Variants in FGF12 observed in about 807,000 individuals in gnomAD.
FGF12 encodes fibroblast growth factor 12, also known as fibroblast growth factor 12B.
A neutral mutation model predicts 23.6 loss-of-function variants in FGF12; 14 were observed. The ratio of observed to expected loss-of-function variants is 0.59; its 90% CI spans 0.39 to 0.93. FGF12 has a LOEUF of 0.93. Among genes scored for constraint, FGF12 ranks in the 40% least tolerant of loss-of-function variants. The pLI is 0.00. For missense variants in FGF12, 175 were observed against 217.8 expected (o/e 0.80, Z 1.24); for synonymous variants, 62 against 77.3 (o/e 0.80, Z 1.04).
intron 2 of FGF12, among the ~76,000 whole-genome samples, chr3:192,476,195 T>C (rs1161721276): frequency 6.6e-6 from 1 of 152,114 alleles, no homozygotes; most frequent in Non-Finnish European, 1.5e-5. Flanking sequence ...CAGGACAACA[T>C]AAAAATAATC....
At chr3:192,428,654 C>T (rs575692615) in intron 2 of FGF12, among the ~76,000 whole-genome samples, 1 of 152,206 alleles carries the variant, frequency 6.6e-6, no homozygotes, top group Admixed American at 6.5e-5. Context: ...GGCATAATCC[C>T]GTACTTCCCC....
At chr3:192,393,191 G>A (rs1308168808) in intron 2 of FGF12, among the ~76,000 whole-genome samples, 5 of 152,140 alleles carry the variant, frequency 3.3e-5, no homozygotes, top group Non-Finnish European at 5.9e-5. Context: ...TGACATCTAC[G>A]TGTCAAGCAA....
intron 4 of FGF12, among the ~76,000 whole-genome samples, chr3:192,263,276 C>A (rs1433324717): frequency 6.6e-6 from 1 of 151,952 alleles, no homozygotes; most frequent in African/African-American, 2.4e-5. Flanking sequence ...TATTTAGTAT[C>A]AAGGCATTGA....
At chr3:192,484,301 T>C (rs1029323319) in intron 2 of FGF12, among the ~76,000 whole-genome samples, 6 of 137,476 alleles carry the variant, frequency 4.4e-5, no homozygotes, top group African/African-American at 1.4e-4. Context: ...CCAATAGAGA[T>C]CCTTCCATTT....
chr3:192,224,724 G>C (rs964260188), intron 4 of FGF12, among the ~76,000 whole-genome samples: 2 of 151,952 alleles, frequency 1.3e-5, no homozygotes, highest in Admixed American at 1.3e-4. Flanking sequence ...AGAATAAAAG[G>C]AAAGAAAAAG....
chr3:192,575,205 A>G (rs761595784), intron 2 of FGF12, among the ~76,000 whole-genome samples: 8 of 152,240 alleles, frequency 5.3e-5, no homozygotes, highest in Non-Finnish European at 1.2e-4. Flanking sequence ...CAAAGAGAGA[A>G]AGAGTTCAAA....
chr3:192,487,136 C>T (rs1474328809), intron 2 of FGF12, among the ~76,000 whole-genome samples: 1 of 152,078 alleles, frequency 6.6e-6, no homozygotes, highest in African/African-American at 2.4e-5. Context: ...ATATTTGTCA[C>T]ATTTCTTCCA....
At chr3:192,193,887 T>G (rs1037532163) in intron 4 of FGF12, among the ~76,000 whole-genome samples, 7 of 152,250 alleles carry the variant, frequency 4.6e-5, no homozygotes, top group Non-Finnish European at 7.3e-5. Context: ...CTCATCTTCG[T>G]GTACTTGAGT....
At chr3:192,335,680 T>C (rs1200369231) in intron 3 of FGF12, among the ~76,000 whole-genome samples, 4 of 152,104 alleles carry the variant, frequency 2.6e-5, no homozygotes, top group Non-Finnish European at 5.9e-5. Flanking sequence ...ACATAAACTC[T>C]GTACTAAAGG....
intron 3 of FGF12, among the ~76,000 whole-genome samples, chr3:192,343,622 C>A (rs1266155990): frequency 6.6e-6 from 1 of 152,040 alleles, no homozygotes; most frequent in Non-Finnish European, 1.5e-5. Flanking sequence ...AAGGAGTGAG[C>A]TCTTAAATCT....
chr3:192,610,556 T>C (rs1220407485), intron 2 of FGF12, among the ~76,000 whole-genome samples: 2 of 152,040 alleles, frequency 1.3e-5, no homozygotes, highest in Non-Finnish European at 2.9e-5. Context: ...CTGCCTGGTC[T>C]CTTTGCTACA....
At chr3:192,358,780 G>A (rs910818859) in intron 3 of FGF12, among the ~76,000 whole-genome samples, 14 of 152,124 alleles carry the variant, frequency 9.2e-5, no homozygotes, top group Non-Finnish European at 1.3e-4. Flanking sequence ...ATGGCTAATC[G>A]TCTTACTTGG....
At chr3:192,688,383 T>A (rs375866059) in intron 2 of FGF12, among the ~76,000 whole-genome samples, 1 of 152,282 alleles carries the variant, frequency 6.6e-6, no homozygotes, top group Middle Eastern at 3.4e-3. Flanking sequence ...CAGGTGAGGG[T>A]CTTCTCTTAC....
At chr3:192,344,025 A>T (rs1717829651) in intron 3 of FGF12, among the ~76,000 whole-genome samples, 1 of 152,200 alleles carries the variant, frequency 6.6e-6, no homozygotes, top group Non-Finnish European at 1.5e-5. Context: ...GAATTTCTGC[A>T]ATCAGACCTT....
chr3:192,699,447 G>A (rs567055595), intron 2 of FGF12, among the ~76,000 whole-genome samples: 15 of 152,126 alleles, frequency 9.9e-5, no homozygotes, highest in Non-Finnish European at 1.8e-4. Context: ...ATAACTATTC[G>A]GTCATGGTGG....
At chr3:192,380,828 C>G (rs371025287) in intron 2 of FGF12, among the ~76,000 whole-genome samples, 2 of 151,954 alleles carry the variant, frequency 1.3e-5, no homozygotes, top group Non-Finnish European at 1.5e-5. Flanking sequence ...TAATATAATG[C>G]AAACCCCACG....
intron 2 of FGF12, among the ~76,000 whole-genome samples, chr3:192,569,238 A>C (rs1188929819): frequency 2.0e-5 from 3 of 152,214 alleles, no homozygotes; most frequent in Admixed American, 6.5e-5. Flanking sequence ...GTAGAATGTC[A>C]GTGTAGGTTA....
At chr3:192,344,838 TA>T (rs1338194965) in intron 3 of FGF12, among the ~76,000 whole-genome samples, 49 of 152,304 alleles carry the variant, frequency 3.2e-4, no homozygotes, top group African/African-American at 1.1e-3. Flanking sequence ...TAAACGTGAT[TA>T]TTTTTTCATT....
intron 2 of FGF12, among the ~76,000 whole-genome samples, chr3:192,724,540 C>T (rs79168718): frequency 0.054 from 8,198 of 152,210 alleles, 675 homozygotes; most frequent in African/African-American, 0.18. Flanking sequence ...CCTTAAGATA[C>T]GCAAGGCACA....
Sources: allele counts gnomAD v4.1 joint callset (sites outside exome capture counted in the v4.1 genomes callset), GRCh38; gene constraint gnomAD v4.1.1; transcripts MANE v1.5; gene names NCBI Gene and HGNC (gene_info 2026-07-23, HGNC 2026-07-21).